DLG3: variants seen among roughly 807,000 people sequenced by gnomAD.
The protein encoded by DLG3 is discs large MAGUK scaffold protein 3.
A neutral mutation model predicts 64.1 loss-of-function variants in DLG3; 1 was observed. The observed-to-expected ratio is 0.02, with a 90% CI of 0.01 to 0.07. The LOEUF (loss-of-function observed/expected upper bound fraction) is 0.07, where lower values mean the gene tolerates loss of function less well. DLG3 is among the 10% of genes least tolerant of loss of function. The pLI is 1.00. For synonymous variants in DLG3, 245 were observed against 259.8 expected (o/e 0.94, Z 0.55); for missense variants, 429 against 669.5 (o/e 0.64, Z 3.96).
intron 8 of DLG3, 74 bp from the exon 9 acceptor site, chrX:70,454,136 TCTCC>T: frequency 1.1e-6 from 1 of 924,096 alleles, no homozygotes; most frequent in Non-Finnish European, 1.6e-6. Flanking sequence ...GGGGTACCCA[TCTCC>T]CTCTCCTAAC....
At chrX:70,474,523 G>A (rs2147830449) in intron 9 of DLG3, among the ~76,000 whole-genome samples, 1 of 110,808 alleles carries the variant, frequency 9.0e-6, no homozygotes, top group African/African-American at 3.3e-5. Context: ...GGAAAAAAAA[G>A]GCTTGGTTTT....
intron 8 of DLG3, 65 bp downstream of exon 8, chrX:70,453,858 C>G (rs2086656896): frequency 9.9e-7 from 1 of 1,005,275 alleles, no homozygotes; most frequent in Admixed American, 3.3e-5. Flanking sequence ...GAGCGAGAGA[C>G]CTTACTTCCT....
chrX:70,492,651 T>C (rs2087378965), intron 12 of DLG3, 55 bp downstream of exon 12: 9 of 1,068,355 alleles, frequency 8.4e-6, no homozygotes, highest in South Asian at 3.8e-5. Flanking sequence ...TTGAGAAGCC[T>C]GGAGTTTAGT....
intron 11 of DLG3, 56 bp from the exon 12 acceptor site, chrX:70,492,465 C>A: frequency 1.7e-6 from 2 of 1,166,135 alleles, no homozygotes; most frequent in East Asian, 3.0e-5. Flanking sequence ...CTGCTGCAAC[C>A]CACTGCTGAG....
At position 70,503,195 on chromosome X, in the gene DLG3, A is replaced by T. The variant is rs2087597636; in HGVS notation, c.*926A>T. The T allele has an allele frequency of 8.9e-6, 1 of 112,579 alleles. No homozygotes were observed. Among genetic ancestry groups the T allele is most frequent in the Non-Finnish European group, 1.9e-5 (1 of 53,267 alleles). The allele number at this position is 112,579 out of a possible 1,213,427, so 9.3% of individuals were successfully genotyped here. On this transcript the variant is annotated 3_prime_UTR_variant, in exon 19 of 19. Transcript: ENST00000374360. Reference sequence around the variant, plus strand: ...TCCGCGTGGAATTGCCTATTGTTTTATGCCACCTGATGTGTCTGCATGAGA... The same window carrying T: ...TCCGCGTGGAATTGCCTATTGTTTTTTGCCACCTGATGTGTCTGCATGAGA...
intron 2 of DLG3, 136 bp downstream of exon 2, chrX:70,449,099 G>C: frequency 5.2e-6 from 4 of 770,462 alleles, no homozygotes; most frequent in Non-Finnish European, 5.8e-6. Flanking sequence ...GCCCTCAGAG[G>C]CTGCTTCACT....
chrX:70,483,476 A>G (rs1474769926), intron 10 of DLG3, among the ~76,000 whole-genome samples: 1 of 112,554 alleles, frequency 8.9e-6, no homozygotes, highest in African/African-American at 3.2e-5. Context: ...AAAGTGAGGG[A>G]ACCCTTTTTC....
chrX:70,455,044 G>A (rs932776251), intron 9 of DLG3: 11 of 751,768 alleles, frequency 1.5e-5, no homozygotes, highest in Non-Finnish European at 1.7e-5. Flanking sequence ...GCCTCCAGCC[G>A]CATGCCCCGC....
intron 2 of DLG3, 45 bp downstream of exon 2, chrX:70,449,008 G>A (rs1415960286): frequency 3.4e-6 from 4 of 1,170,921 alleles, no homozygotes; most frequent in Non-Finnish European, 4.6e-6. Context: ...GGAGAGGGTT[G>A]GAGCCAGGAT....
intron 9 of DLG3, among the ~76,000 whole-genome samples, chrX:70,459,122 G>C (rs553553974): frequency 2.7e-5 from 3 of 111,809 alleles, no homozygotes; most frequent in African/African-American, 9.7e-5. Context: ...TTTTAGAGTA[G>C]AAACTGATCT....
At chrX:70,495,702 G>T (rs766296841) in intron 13 of DLG3, among the ~76,000 whole-genome samples, 2 of 111,907 alleles carry the variant, frequency 1.8e-5, no homozygotes, top group African/African-American at 3.2e-5. Context: ...GTGGGAGGGC[G>T]TGAGCATGGC....
intron 1 of DLG3, among the ~76,000 whole-genome samples, chrX:70,445,890 C>T (rs1242595733): frequency 4.5e-5 from 2 of 44,578 alleles, no homozygotes; most frequent in Admixed American, 3.6e-4. Context: ...GGAGGTTCTG[C>T]GGGGGCTGTG....
chrX:70,447,074 C>T (rs2086575587), intron 1 of DLG3, among the ~76,000 whole-genome samples: 2 of 111,058 alleles, frequency 1.8e-5, no homozygotes. Flanking sequence ...TCGCAAACAC[C>T]CTCTTATGCT....
intron 10 of DLG3, among the ~76,000 whole-genome samples, chrX:70,490,600 G>A (rs906730376): frequency 8.9e-6 from 1 of 112,360 alleles, no homozygotes; most frequent in Non-Finnish European, 1.9e-5. Flanking sequence ...GCTGTAAGCA[G>A]TAGGTGAGTA....
chrX:70,471,333 T>G (rs2086965859), intron 9 of DLG3, among the ~76,000 whole-genome samples: 1 of 105,521 alleles, frequency 9.5e-6, no homozygotes, highest in Non-Finnish European at 2.0e-5. Context: ...AGACATAACT[T>G]TTTTTTTTTT....
At position 70,445,291 on chromosome X, in the gene DLG3, C is replaced by T. The variant is rs1348551654; in HGVS notation, c.90C>T (p.Tyr30=). The T allele has an allele frequency of 3.4e-6, 4 of 1,165,076 alleles. No homozygotes were observed. The highest frequency in any genetic ancestry group is 3.4e-6 in the Non-Finnish European group (3 of 873,345). The part of the protein sequence containing the change: ...AALRRLEPPG[Y]GDWQVPDPYG... ...TGCGGCGCCTCGAGCCTCCGGGCTA[C>T]GGCGACTGGCAAGTCCCCGACCCTT... The change falls in exon 1 of 19, where the codon TAC becomes TAT. Residue 30 remains tyrosine, a synonymous_variant. Coordinates refer to ENST00000374360, the MANE Select transcript of DLG3 (RefSeq NM_021120.4).
intron 12 of DLG3, chrX:70,493,472 G>C: frequency 1.7e-6 from 2 of 1,198,268 alleles, no homozygotes; most frequent in Non-Finnish European, 2.3e-6. Context: ...CAGCATACAG[G>C]AACGTAAGTA....
At chrX:70,463,789 G>A (rs973062767) in intron 9 of DLG3, among the ~76,000 whole-genome samples, 2 of 111,710 alleles carry the variant, frequency 1.8e-5, no homozygotes, top group Non-Finnish European at 3.8e-5. Context: ...TGTGCAAAAT[G>A]GTCACTAGTG....
chrX:70,452,991 A>G, intron 7 of DLG3: 2 of 336,452 alleles, frequency 5.9e-6, no homozygotes, highest in Non-Finnish European at 1.0e-5. Flanking sequence ...CGCATTTCTC[A>G]TGTGCTTGTC....
Sources: gnomAD v4.1 joint callset for allele counts (sites outside exome capture counted in the v4.1 genomes callset) on GRCh38, gnomAD v4.1.1 for gene constraint, MANE v1.5 for transcripts, NCBI Gene and HGNC (gene_info 2026-07-23, HGNC 2026-07-21) for gene names.